Variants in XRCC4 observed in about 807,000 individuals in gnomAD.
The protein encoded by XRCC4 is X-ray repair cross complementing 4, also known as DNA repair protein XRCC4.
A neutral mutation model predicts 39.1 loss-of-function variants in XRCC4; 28 were observed. The ratio of observed to expected loss-of-function variants is 0.72; its 90% CI spans 0.53 to 0.98. The LOEUF (loss-of-function observed/expected upper bound fraction) is 0.98. XRCC4 is among the 50% of genes least tolerant of loss of function. The probability of loss-of-function intolerance (pLI) is 0.00; values close to 1 mark genes in which losing one functional copy is unlikely to be tolerated. For synonymous variants in XRCC4, 123 were observed against 126.4 expected (o/e 0.97, Z 0.18); for missense variants, 350 against 376.4 (o/e 0.93, Z 0.58).
At chr5:83,342,953 G>C (rs1340393396) in intron 7 of XRCC4, among the ~76,000 whole-genome samples, 35 of 152,020 alleles carry the variant, frequency 2.3e-4, no homozygotes, top group Admixed American at 2.3e-3. Flanking sequence ...CAATCTGATA[G>C]CTGCTTAGTT....
chr5:83,291,546 A>G (rs1369453363), intron 7 of XRCC4, among the ~76,000 whole-genome samples: 1 of 151,906 alleles, frequency 6.6e-6, no homozygotes, highest in Non-Finnish European at 1.5e-5. Context: ...AGGTAAATAG[A>G]TGCTTACATA....
chr5:83,144,527 T>A (rs1020600136), intron 3 of XRCC4, among the ~76,000 whole-genome samples: 15 of 142,162 alleles, frequency 1.1e-4, no homozygotes, highest in Admixed American at 2.8e-4. Context: ...TCTTTTTTGT[T>A]TGTTTGTTTG....
At chr5:83,189,152 T>C (rs1750583549) in intron 3 of XRCC4, among the ~76,000 whole-genome samples, 1 of 152,248 alleles carries the variant, frequency 6.6e-6, no homozygotes, top group African/African-American at 2.4e-5. Flanking sequence ...ACCCTAAATG[T>C]AACTATATTG....
chr5:83,346,934 T>C (rs1305750177), intron 7 of XRCC4, among the ~76,000 whole-genome samples: 1 of 152,200 alleles, frequency 6.6e-6, no homozygotes, highest in African/African-American at 2.4e-5. Flanking sequence ...ATACAGGTTC[T>C]CTGAGTTGTT....
At chr5:83,178,822 A>G (rs1287460418) in intron 3 of XRCC4, among the ~76,000 whole-genome samples, 2 of 152,188 alleles carry the variant, frequency 1.3e-5, no homozygotes, top group African/African-American at 4.8e-5. Context: ...TTACTTCTCC[A>G]GCCATGTCAT....
intron 1 of XRCC4, among the ~76,000 whole-genome samples, chr5:83,085,921 A>G (rs1207245064): frequency 6.6e-6 from 1 of 152,216 alleles, no homozygotes; most frequent in Non-Finnish European, 1.5e-5. Context: ...AAGCTTTTTG[A>G]TGCAAAGTAG....
intron 3 of XRCC4, among the ~76,000 whole-genome samples, chr5:83,144,573 C>T (rs1480790765): frequency 2.7e-5 from 3 of 110,306 alleles, no homozygotes; most frequent in Admixed American, 1.1e-4. Flanking sequence ...CCCACCCCCA[C>T]GGATTGGCTG....
chr5:83,348,151 T>G (rs559508824), intron 7 of XRCC4, among the ~76,000 whole-genome samples: 81 of 152,296 alleles, frequency 5.3e-4, no homozygotes, highest in African/African-American at 1.9e-3. Flanking sequence ...CTTTTCCAGA[T>G]GCATGGCGCA....
At chr5:83,151,247 T>C (rs1748687837) in intron 3 of XRCC4, among the ~76,000 whole-genome samples, 1 of 152,108 alleles carries the variant, frequency 6.6e-6, no homozygotes. Flanking sequence ...ATTTTCTTCA[T>C]AGGGTAGTCT....
At chr5:83,184,801 T>A (rs1251666637) in intron 3 of XRCC4, among the ~76,000 whole-genome samples, 1 of 152,140 alleles carries the variant, frequency 6.6e-6, no homozygotes, top group East Asian at 1.9e-4. Context: ...GTTAAAGTAA[T>A]CAACCATTTT....
At chr5:83,144,549 C>A in intron 3 of XRCC4, among the ~76,000 whole-genome samples, 1 of 9,544 alleles carries the variant, frequency 1.0e-4, no homozygotes, top group Non-Finnish European at 2.2e-4. Context: ...TTTGTGTCTC[C>A]CCACCCCCCC....
chr5:83,363,986 A>G, the XRCC4 span, among the ~76,000 whole-genome samples: 1 of 152,210 alleles, frequency 6.6e-6, no homozygotes, highest in Non-Finnish European at 1.5e-5. Flanking sequence ...CATTTTGTAC[A>G]AAGGTACCAG....
At chr5:83,213,594 C>T (rs75990028) in intron 6 of XRCC4, among the ~76,000 whole-genome samples, 1 of 151,910 alleles carries the variant, frequency 6.6e-6, no homozygotes, top group African/African-American at 2.4e-5. Context: ...ACAAAGAAAA[C>T]CCTGGGCCCA....
At chr5:83,348,542 CA>C (rs1426816719) in intron 7 of XRCC4, among the ~76,000 whole-genome samples, 4 of 152,218 alleles carry the variant, frequency 2.6e-5, no homozygotes, top group Admixed American at 1.3e-4. Flanking sequence ...TGCCATGTCC[CA>C]AGACTGCACA....
chr5:83,353,294 C>A lies in XRCC4; in HGVS notation c.*52C>A, dbSNP rs780924758. On this transcript the variant is annotated 3_prime_UTR_variant, in exon 8 of 8. Coordinates refer to ENST00000396027, the MANE Select transcript of XRCC4 (RefSeq NM_003401.5). ...ACTAGACTATGTTTTCTATTCATTT[C>A]TTTAAAATGAAAAAGGAGAATTTCA... 2 of 1,357,194 alleles carry A rather than the reference C, an allele frequency of 1.5e-6. No homozygotes were observed. The highest frequency in any genetic ancestry group is 2.5e-5 in the East Asian group (1 of 40,766). The allele number at this position is 1,357,194 out of a possible 1,614,324, so 84.1% of individuals were successfully genotyped here. A position where few individuals can be genotyped will look rare whatever the true frequency, so the allele number is the denominator to read the frequency against.
intron 6 of XRCC4, among the ~76,000 whole-genome samples, chr5:83,210,253 C>T (rs1312398404): frequency 6.6e-6 from 1 of 152,074 alleles, no homozygotes. Context: ...CTTAGTCTTG[C>T]CCAGCTTGTT....
chr5:83,077,677 A>G, intron 1 of XRCC4, 62 bp downstream of exon 1: 1 of 254,826 alleles, frequency 3.9e-6, no homozygotes, highest in Non-Finnish European at 7.7e-6. Flanking sequence ...TGTTCTTTTT[A>G]TCTTTTTGCT....
At chr5:83,089,564 C>A (rs1745328475) in intron 1 of XRCC4, among the ~76,000 whole-genome samples, 1 of 152,234 alleles carries the variant, frequency 6.6e-6, no homozygotes, top group South Asian at 2.1e-4. Flanking sequence ...GGTTTGTGGG[C>A]TCAGTCTCAC....
chr5:83,171,494 C>CT (rs1749722836), intron 3 of XRCC4, among the ~76,000 whole-genome samples: 1 of 151,976 alleles, frequency 6.6e-6, no homozygotes. Flanking sequence ...AAAAAAAAAT[C>CT]TAAGTTTCTG....
Sources: allele counts gnomAD v4.1 joint callset (sites outside exome capture counted in the v4.1 genomes callset), GRCh38; gene constraint gnomAD v4.1.1; transcripts MANE v1.5; gene names NCBI Gene and HGNC (gene_info 2026-07-23, HGNC 2026-07-21).